COL26A1: variants seen among roughly 807,000 people sequenced by gnomAD.
COL26A1 encodes the protein collagen type XXVI alpha 1 chain, also known as collagen alpha-1(XXVI) chain.
In COL26A1, 41 loss-of-function variants were observed where a neutral mutation model predicts 59.3. The observed-to-expected ratio is 0.69, with a 90% CI of 0.54 to 0.90. The LOEUF is 0.90. Ranked by LOEUF, COL26A1 falls within the 40% of genes least tolerant of loss-of-function variation. The pLI, the probability that COL26A1 is intolerant of heterozygous loss-of-function variation, is 0.00. For missense variants in COL26A1, 612 were observed against 602.3 expected, an observed-to-expected ratio of 1.02 and a Z score of -0.17; for synonymous variants, 266 against 256.0, an observed-to-expected ratio of 1.04 and a Z score of -0.37.
At chr7:101,388,382 A>G (rs1584362883) in intron 1 of COL26A1, among the ~76,000 whole-genome samples, 1 of 151,478 alleles carries the variant, frequency 6.6e-6, no homozygotes, top group African/African-American at 2.4e-5. Context: ...CTGAGGCAGG[A>G]GAATCTCCTG....
At chr7:101,463,520 C>T (rs1167968600) in intron 3 of COL26A1, among the ~76,000 whole-genome samples, 1 of 101,270 alleles carries the variant, frequency 9.9e-6, no homozygotes, top group Non-Finnish European at 2.0e-5. Flanking sequence ...TCCCTTCCCC[C>T]CTCTTCCCCC....
intron 3 of COL26A1, among the ~76,000 whole-genome samples, chr7:101,503,259 T>A (rs1191441486): frequency 2.0e-5 from 3 of 152,170 alleles, no homozygotes; most frequent in African/African-American, 7.2e-5. Context: ...ACCTCCTGGT[T>A]TGTATGTCTC....
chr7:101,496,211 A>G (rs534966505), intron 3 of COL26A1, among the ~76,000 whole-genome samples: 1 of 152,312 alleles, frequency 6.6e-6, no homozygotes, highest in East Asian at 1.9e-4. Context: ...GAGAACTCCT[A>G]CTGGTCAGAG....
At chr7:101,436,594 G>A (rs1162071391) in intron 2 of COL26A1, among the ~76,000 whole-genome samples, 1 of 152,100 alleles carries the variant, frequency 6.6e-6, no homozygotes. Context: ...CCCCGCACCC[G>A]AGGCAGGACT....
At chr7:101,383,371 A>G (rs1562956237) in intron 1 of COL26A1, among the ~76,000 whole-genome samples, 1 of 151,020 alleles carries the variant, frequency 6.6e-6, no homozygotes, top group Admixed American at 6.6e-5. Context: ...TTTATTTTGA[A>G]TTTTAATTTT....
intron 1 of COL26A1, among the ~76,000 whole-genome samples, chr7:101,401,255 C>T (rs562414383): frequency 1.7e-4 from 26 of 152,278 alleles, no homozygotes; most frequent in African/African-American, 6.0e-4. Flanking sequence ...CTCTGCCTGC[C>T]TAGCCTCCCA....
At chr7:101,430,944 A>G (rs1032178946) in intron 2 of COL26A1, among the ~76,000 whole-genome samples, 2 of 151,886 alleles carry the variant, frequency 1.3e-5, no homozygotes, top group Non-Finnish European at 2.9e-5. Context: ...CAGGTGGCCC[A>G]CCACCATGCC....
intron 1 of COL26A1, among the ~76,000 whole-genome samples, chr7:101,409,511 T>C (rs1792196661): frequency 6.6e-6 from 1 of 152,222 alleles, no homozygotes; most frequent in African/African-American, 2.4e-5. Flanking sequence ...TTGCCAGGGC[T>C]GCCATGCCAC....
Position 101,385,367 on chromosome 7 carries a change from G to GTATATATATATA in COL26A1, c.158+22185_158+22196dup, listed in dbSNP as rs373941775. Among the ~76,000 whole-genome samples, 69 of 137,036 alleles carry GTATATATATATA rather than the reference G, an allele frequency of 5.0e-4. 2 individuals are homozygous for GTATATATATATA. The highest frequency in any genetic ancestry group is 1.0e-3 in the African/African-American group (41 of 39,410). 89.9% of individuals were successfully genotyped at this position (137,036 alleles called of 152,430 possible). A position where few individuals can be genotyped will look rare whatever the true frequency, so the allele number is the denominator to read the frequency against. Reference sequence around the variant, plus strand: ...TATATATATGTGTATATATATGTGTGTATATATATATATATATATTTGTGA... The same window carrying GTATATATATATA: ...TATATATATGTGTATATATATGTGTGTATATATATATATATATATATATATATATATTTGTGA... On this transcript the variant is annotated intron_variant, in intron 1 of 12. Coordinates refer to ENST00000313669, the MANE Select transcript of COL26A1 (RefSeq NM_001278563.3).
chr7:101,432,434 A>G (rs921890847), intron 2 of COL26A1, among the ~76,000 whole-genome samples: 3 of 152,264 alleles, frequency 2.0e-5, no homozygotes, highest in East Asian at 3.9e-4. Context: ...CCTTAATGGC[A>G]GGGAGCAATC....
intron 1 of COL26A1, among the ~76,000 whole-genome samples, chr7:101,396,270 AAACAC>A (rs373522889): frequency 2.6e-4 from 40 of 152,124 alleles, no homozygotes; most frequent in African/African-American, 8.4e-4. Flanking sequence ...CCTGTCTTTA[AAACAC>A]AACACAACAC....
intron 1 of COL26A1, among the ~76,000 whole-genome samples, chr7:101,383,097 A>G (rs1232441222): frequency 6.6e-6 from 1 of 152,064 alleles, no homozygotes. Context: ...GTTTTTTAGG[A>G]ACATGTCCTG....
At chr7:101,473,655 A>AC in intron 3 of COL26A1, among the ~76,000 whole-genome samples, 5 of 103,408 alleles carry the variant, frequency 4.8e-5, no homozygotes, top group African/African-American at 1.0e-4. Context: ...CACACACACA[A>AC]ACACACACAA....
chr7:101,501,121 G>C (rs1014384538), intron 3 of COL26A1, among the ~76,000 whole-genome samples: 7 of 146,418 alleles, frequency 4.8e-5, no homozygotes, highest in African/African-American at 1.8e-4. Context: ...GGAAGGCGGA[G>C]GTTGCAGTGA....
chr7:101,549,801 C>T (rs911593349), intron 9 of COL26A1, among the ~76,000 whole-genome samples: 2 of 152,174 alleles, frequency 1.3e-5, no homozygotes, highest in African/African-American at 4.8e-5. Context: ...CCCAGAGAGA[C>T]CAGATGCTGC....
intron 3 of COL26A1, among the ~76,000 whole-genome samples, chr7:101,494,129 T>A (rs913013452): frequency 6.9e-6 from 1 of 145,228 alleles, no homozygotes; most frequent in African/African-American, 2.8e-5. Flanking sequence ...TGCATTGTCG[T>A]TTTGTTTTGT....
intron 3 of COL26A1, among the ~76,000 whole-genome samples, chr7:101,455,414 T>C (rs1319320274): frequency 6.6e-6 from 1 of 152,106 alleles, no homozygotes; most frequent in Non-Finnish European, 1.5e-5. Flanking sequence ...GTATTACACC[T>C]CTCACTTGGG....
chr7:101,497,733 C>G (rs1309425958), intron 3 of COL26A1, among the ~76,000 whole-genome samples: 1 of 152,144 alleles, frequency 6.6e-6, no homozygotes, highest in East Asian at 1.9e-4. Context: ...GTAATCCCAG[C>G]ACTTTGGCAG....
intron 3 of COL26A1, among the ~76,000 whole-genome samples, chr7:101,457,894 CTTTTTTTT>C (rs747999760): frequency 8.8e-6 from 1 of 113,698 alleles, no homozygotes; most frequent in Non-Finnish European, 1.8e-5. Flanking sequence ...TATAGCTTAA[CTTTTTTTT>C]TTTTTTTTTT....
Sources: allele counts gnomAD v4.1 joint callset (sites outside exome capture counted in the v4.1 genomes callset), GRCh38; gene constraint gnomAD v4.1.1; transcripts MANE v1.5; gene names NCBI Gene and HGNC (gene_info 2026-07-23, HGNC 2026-07-21).